The following AMOTL1 variants were observed in gnomAD, a reference collection of about 807,000 sequenced individuals.
The protein encoded by AMOTL1 is angiomotin-like protein 1.
AMOTL1 carries 45 observed loss-of-function variants against 102.9 expected under a neutral mutation model. That is an observed-to-expected ratio of 0.44 (90% CI 0.34 to 0.56). The LOEUF (loss-of-function observed/expected upper bound fraction) is 0.56, where lower values mean the gene tolerates loss of function less well. AMOTL1 is among the 20% of genes least tolerant of loss of function. The pLI is 0.01. For missense variants in AMOTL1, 1,114 were observed against 1,225.6 expected, an observed-to-expected ratio of 0.91 and a Z score of 1.36; for synonymous variants, 481 against 484.7, an observed-to-expected ratio of 0.99 and a Z score of 0.10.
At chr11:94,764,115 C>T (rs2135505037), upstream of AMOTL1, among the ~76,000 whole-genome samples, 1 of 152,264 alleles carries the variant, frequency 6.6e-6, no homozygotes, top group Non-Finnish European at 1.5e-5. Context: ...TTGGAACTTG[C>T]CCGTTTTTTT....
intron 3 of AMOTL1, among the ~76,000 whole-genome samples, chr11:94,752,774 A>C (rs1212454860): frequency 6.6e-6 from 1 of 152,184 alleles, no homozygotes; most frequent in Non-Finnish European, 1.5e-5. Flanking sequence ...TTAAGAAAAC[A>C]CAGAAGGGAC....
chr11:94,828,862 T>A lies in AMOTL1; in HGVS notation c.1414-1188T>A, dbSNP rs539697509. Among the ~76,000 whole-genome samples, 11 of 152,264 alleles carry A rather than the reference T, an allele frequency of 7.2e-5. 1 individual carries two copies. The South Asian group carries it at 2.3e-3, about 32-fold the overall frequency. ...GGGACCCAGTGAAGGGCACTAGTGC[T>A]TTCAACCCCATCAGCTTTGCCTTTG... is the stretch of plus-strand genomic sequence containing the variant. On this transcript the variant is annotated intron_variant, in intron 4 of 12. Transcript: ENST00000433060.
At chr11:94,722,165 C>G (rs1354080554) in intron 1 of AMOTL1, among the ~76,000 whole-genome samples, 2 of 152,134 alleles carry the variant, frequency 1.3e-5, no homozygotes, top group Non-Finnish European at 2.9e-5. Context: ...TCTTTCCTGA[C>G]TAGTTTTTCC....
chr11:94,710,415 C>A (rs1026842838), intron 1 of AMOTL1, among the ~76,000 whole-genome samples: 1 of 152,156 alleles, frequency 6.6e-6, no homozygotes, highest in Admixed American at 6.5e-5. Context: ...AGTATCTAGA[C>A]ATGTCTTCTC....
intron 1 of AMOTL1, among the ~76,000 whole-genome samples, chr11:94,708,924 G>A (rs1949975852): frequency 6.6e-6 from 1 of 152,204 alleles, no homozygotes; most frequent in Non-Finnish European, 1.5e-5. Context: ...CCTGCGGACA[G>A]AGTGTAAATA....
intron 3 of AMOTL1, among the ~76,000 whole-genome samples, chr11:94,754,250 C>T (rs1172645848): frequency 1.3e-5 from 2 of 152,174 alleles, no homozygotes; most frequent in Non-Finnish European, 2.9e-5. Context: ...CAAGGAGAGG[C>T]CAGGCTGGCT....
rs759903294 is a variant in AMOTL1 at position 94,831,548 on chromosome 11, C to T, written c.1648+7C>T. The T allele has an allele frequency of 7.5e-6, 12 of 1,608,338 alleles. No individual in the cohort carries two copies. Among genetic ancestry groups the T allele is most frequent in the Middle Eastern group, 1.6e-4 (1 of 6,064 alleles). ...GGGCATTATGCTTCCCAGAGTGAGT[C>T]TCCACTTATTTATTATCCCAAAGTT... On this transcript the variant is annotated splice_region_variant and intron_variant, in intron 6 of 12. Transcript: ENST00000433060.
chr11:94,727,056 C>T (rs1226638503), intron 1 of AMOTL1, among the ~76,000 whole-genome samples: 1 of 152,118 alleles, frequency 6.6e-6, no homozygotes, highest in Non-Finnish European at 1.5e-5. Flanking sequence ...TCCATATCAT[C>T]TTGCAAATCT....
At chr11:94,731,913 A>G (rs1950359388) in intron 2 of AMOTL1, among the ~76,000 whole-genome samples, 1 of 152,234 alleles carries the variant, frequency 6.6e-6, no homozygotes, top group Non-Finnish European at 1.5e-5. Context: ...CACAGTTAAA[A>G]TGAAAACTAG....
chr11:94,755,925 A>G (rs1950718343), intron 3 of AMOTL1, among the ~76,000 whole-genome samples: 1 of 152,090 alleles, frequency 6.6e-6, no homozygotes, highest in Non-Finnish European at 1.5e-5. Flanking sequence ...TTCTTGCCCT[A>G]TTGTACCAGA....
At chr11:94,814,737 C>T (rs761407062) in intron 3 of AMOTL1, among the ~76,000 whole-genome samples, 4 of 152,206 alleles carry the variant, frequency 2.6e-5, no homozygotes, top group Non-Finnish European at 4.4e-5. Flanking sequence ...TTCTAATTGT[C>T]TATTTGTGAG....
rs143054805 is a variant in AMOTL1 at position 94,783,542 on chromosome 11, T to C, written c.50-11469T>C. 2.4e-3 allele frequency among the ~76,000 whole-genome samples: 360 copies of C among 152,220 alleles called. 2 individuals carry two copies. Among genetic ancestry groups the C allele is most frequent in the African/African-American group, 8.4e-3 (349 of 41,532 alleles). On this transcript the variant is annotated intron_variant, in intron 1 of 12. Coordinates refer to ENST00000433060, the MANE Select transcript of AMOTL1 (RefSeq NM_130847.3). ...GAGAAGTTCTGTTGCTTTAGACAGA[T>C]TTTTTAAGGGGTATCATGAGCCAAA... is the stretch of plus-strand genomic sequence containing the variant.
chr11:94,839,963 G>A (rs2135684082), intron 6 of AMOTL1, among the ~76,000 whole-genome samples: 1 of 152,228 alleles, frequency 6.6e-6, no homozygotes, highest in East Asian at 1.9e-4. Flanking sequence ...TGTGCCTTTG[G>A]CTTTTACATC....
At chr11:94,870,629 C>G (rs914312619) in intron 12 of AMOTL1, 60 bp from the exon 13 acceptor site, 1 of 1,378,242 alleles carries the variant, frequency 7.3e-7, no homozygotes, top group Non-Finnish European at 9.9e-7. Flanking sequence ...TTTAGAGAAC[C>G]TGGAAAGCCT....
At chr11:94,802,962 C>G (rs193094794) in intron 3 of AMOTL1, among the ~76,000 whole-genome samples, 3 of 152,180 alleles carry the variant, frequency 2.0e-5, no homozygotes, top group Admixed American at 2.0e-4. Context: ...TGTCATTGAT[C>G]GTGATGGTTT....
intron 1 of AMOTL1, among the ~76,000 whole-genome samples, chr11:94,722,596 T>C (rs1404814532): frequency 2.0e-5 from 3 of 152,110 alleles, no homozygotes; most frequent in African/African-American, 7.2e-5. Flanking sequence ...AAATGGTAGA[T>C]CTAAAATTTA....
At chr11:94,798,588 G>A (rs540650182) in intron 2 of AMOTL1, among the ~76,000 whole-genome samples, 12 of 152,270 alleles carry the variant, frequency 7.9e-5, no homozygotes, top group Non-Finnish European at 1.6e-4. Context: ...AGATGTATGG[G>A]TCATGAGTCA....
intron 1 of AMOTL1, among the ~76,000 whole-genome samples, chr11:94,711,359 G>A (rs12275798): frequency 0.037 from 5,556 of 151,910 alleles, 342 homozygotes; most frequent in African/African-American, 0.13. Context: ...CCCAGCCTTC[G>A]CCACTGTTAA....
At position 94,835,538 on chromosome 11, in the gene AMOTL1, A is replaced by G. The variant is rs373193854; in HGVS notation, c.1648+3997A>G. Among the ~76,000 whole-genome samples the G allele has an allele frequency of 1.5e-4, 23 of 152,370 alleles. No individual in the cohort carries two copies. The East Asian group carries it at 2.9e-3, about 19-fold the overall frequency. Reference sequence around the variant, plus strand: ...AAATAAAATATTAGATGTGAAGAAAATGAACTGGTGGAAATGAAATTTCAT... The same window carrying G: ...AAATAAAATATTAGATGTGAAGAAAGTGAACTGGTGGAAATGAAATTTCAT... On this transcript the variant is annotated intron_variant, in intron 6 of 12. Transcript: ENST00000433060.
Sources: gnomAD v4.1 joint callset for allele counts (sites outside exome capture counted in the v4.1 genomes callset) on GRCh38, gnomAD v4.1.1 for gene constraint, MANE v1.5 for transcripts, NCBI Gene and HGNC (gene_info 2026-07-23, HGNC 2026-07-21) for gene names.